Variants in DGKB observed in about 807,000 individuals in gnomAD.
DGKB encodes 90 kDa diacylglycerol kinase.
Under a neutral mutation model 114.3 loss-of-function variants are expected in DGKB, and 67 were observed. The ratio of observed to expected loss-of-function variants is 0.59; its 90% CI spans 0.48 to 0.72. DGKB has a LOEUF of 0.72. DGKB is among the 30% of genes least tolerant of loss of function. The pLI is 0.00. For missense variants in DGKB, 907 were observed against 975.2 expected (o/e 0.93, Z 0.93); for synonymous variants, 398 against 323.1 (o/e 1.23, Z -2.49).
intron 21 of DGKB, among the ~76,000 whole-genome samples, chr7:14,367,988 A>G (rs573185627): frequency 4.7e-4 from 71 of 152,246 alleles, no homozygotes; most frequent in African/African-American, 1.6e-3. Context: ...GACACAGAGC[A>G]AAACCATATC....
At chr7:14,498,615 C>T (rs965200971) in intron 20 of DGKB, among the ~76,000 whole-genome samples, 1 of 151,612 alleles carries the variant, frequency 6.6e-6, no homozygotes, top group South Asian at 2.1e-4. Flanking sequence ...TGGGGAATTG[C>T]TAATTTAGTT....
chr7:14,891,304 G>C (rs889985490), intron 1 of DGKB, among the ~76,000 whole-genome samples: 1 of 151,470 alleles, frequency 6.6e-6, no homozygotes, highest in African/African-American at 2.4e-5. Context: ...GACCCAGAGA[G>C]ATGCTTTATG....
At chr7:14,922,696 C>CTAAATAGT (rs1784568598) in intron 1 of DGKB, among the ~76,000 whole-genome samples, 1 of 152,028 alleles carries the variant, frequency 6.6e-6, no homozygotes, top group Non-Finnish European at 1.5e-5. Context: ...CTCTCTGCTA[C>CTAAATAGT]TAAATAGTTG....
chr7:14,704,113 T>C (rs2129015189), intron 6 of DGKB, among the ~76,000 whole-genome samples: 1 of 152,046 alleles, frequency 6.6e-6, no homozygotes, highest in South Asian at 2.1e-4. Context: ...ACATCTTTTC[T>C]TTTGAATTGA....
chr7:14,637,590 AAT>A (rs2128866807), intron 13 of DGKB, among the ~76,000 whole-genome samples: 3 of 151,536 alleles, frequency 2.0e-5, no homozygotes, highest in African/African-American at 7.2e-5. Context: ...AACATTCAAA[AAT>A]ATGTTTTATA....
intron 17 of DGKB, among the ~76,000 whole-genome samples, chr7:14,606,676 T>C (rs976013038): frequency 2.0e-5 from 3 of 152,038 alleles, no homozygotes; most frequent in South Asian, 2.1e-4. Context: ...TACCCTCATG[T>C]TGACAGAAAG....
At chr7:14,630,645 A>C (rs1809509505) in intron 13 of DGKB, among the ~76,000 whole-genome samples, 1 of 151,986 alleles carries the variant, frequency 6.6e-6, no homozygotes, top group Non-Finnish European at 1.5e-5. Flanking sequence ...TCCAACTCTC[A>C]TTCTTTCCTA....
intron 4 of DGKB, among the ~76,000 whole-genome samples, chr7:14,744,397 C>T (rs915736510): frequency 5.3e-5 from 8 of 151,738 alleles, no homozygotes; most frequent in Admixed American, 3.9e-4. Context: ...ATAAAAGCCC[C>T]TTGGGAAAAC....
chr7:14,947,338 T>C (rs1785940133), intron 1 of DGKB, among the ~76,000 whole-genome samples: 1 of 151,752 alleles, frequency 6.6e-6, no homozygotes, highest in Admixed American at 6.6e-5. Context: ...AACTGTTCTG[T>C]TAAGGATCTT....
chr7:14,530,498 A>G (rs573460200), intron 20 of DGKB, among the ~76,000 whole-genome samples: 2 of 151,672 alleles, frequency 1.3e-5, no homozygotes, highest in South Asian at 2.1e-4. Flanking sequence ...ATAACCTTCA[A>G]TTTAAAATTT....
chr7:14,475,608 T>C (rs533747029), intron 21 of DGKB, among the ~76,000 whole-genome samples: 1 of 152,288 alleles, frequency 6.6e-6, no homozygotes, highest in East Asian at 1.9e-4. Flanking sequence ...CCTGTGACTT[T>C]GTGTCATTTT....
chr7:14,738,513 C>G (rs978377288), intron 4 of DGKB, among the ~76,000 whole-genome samples: 1 of 152,122 alleles, frequency 6.6e-6, no homozygotes, highest in Non-Finnish European at 1.5e-5. Flanking sequence ...AATAATAGCA[C>G]CTACTTCTTG....
intron 4 of DGKB, among the ~76,000 whole-genome samples, chr7:14,747,913 TC>T: frequency 6.6e-6 from 1 of 152,194 alleles, no homozygotes; most frequent in South Asian, 2.1e-4. Flanking sequence ...AGGGAGCTGC[TC>T]AGATGTCGCT....
chr7:14,537,579 C>A (rs1336669470), intron 20 of DGKB, among the ~76,000 whole-genome samples: 2 of 152,046 alleles, frequency 1.3e-5, no homozygotes, highest in Admixed American at 6.6e-5. Flanking sequence ...AATTAGATAT[C>A]CCCCTCCAAA....
intron 25 of DGKB, 102 bp downstream of exon 25, chr7:14,176,737 G>T: frequency 1.9e-6 from 3 of 1,542,766 alleles, no homozygotes; most frequent in Admixed American, 1.9e-5. Flanking sequence ...TTTGCTGATA[G>T]GTTGAAAAGA....
intron 2 of DGKB, among the ~76,000 whole-genome samples, chr7:14,782,953 C>T (rs1440290560): frequency 2.6e-5 from 4 of 152,112 alleles, no homozygotes; most frequent in African/African-American, 7.2e-5. Context: ...CAGCCTCAGC[C>T]TCCCAAGTCA....
intron 16 of DGKB, among the ~76,000 whole-genome samples, chr7:14,610,108 A>G (rs557764651): frequency 2.2e-4 from 33 of 152,234 alleles, no homozygotes; most frequent in African/African-American, 7.9e-4. Flanking sequence ...GAGCAAAGAC[A>G]TGGAATCAAC....
chr7:14,156,438 G>C (rs1227823052), intron 25 of DGKB, among the ~76,000 whole-genome samples: 1 of 152,102 alleles, frequency 6.6e-6, no homozygotes, highest in African/African-American at 2.4e-5. Flanking sequence ...AGCAAAGGCA[G>C]TTTTGGGCTA....
At chr7:14,841,119 C>A in intron 2 of DGKB, 75 bp downstream of exon 2, 3 of 1,305,204 alleles carry the variant, frequency 2.3e-6, no homozygotes, top group Non-Finnish European at 2.1e-6. Context: ...GATCTATGAT[C>A]CATTCTTATA....
Sources: allele counts gnomAD v4.1 joint callset (sites outside exome capture counted in the v4.1 genomes callset), GRCh38; gene constraint gnomAD v4.1.1; transcripts MANE v1.5; gene names NCBI Gene and HGNC (gene_info 2026-07-23, HGNC 2026-07-21).